Variants in PDIA5 observed in about 807,000 individuals in gnomAD.
The protein encoded by PDIA5 is protein disulfide-isomerase A5.
A neutral mutation model predicts 77.6 loss-of-function variants in PDIA5; 58 were observed. The observed-to-expected ratio is 0.75, with a 90% CI of 0.61 to 0.93. The LOEUF (loss-of-function observed/expected upper bound fraction) is 0.93. PDIA5 is among the 40% of genes least tolerant of loss of function. PDIA5 has a pLI of 0.00. For missense variants in PDIA5, 630 were observed against 647.7 expected, an observed-to-expected ratio of 0.97 and a Z score of 0.30; for synonymous variants, 250 against 252.1, an observed-to-expected ratio of 0.99 and a Z score of 0.08.
intron 8 of PDIA5, among the ~76,000 whole-genome samples, chr3:123,118,773 T>C (rs1305562975): frequency 6.6e-6 from 1 of 152,238 alleles, no homozygotes; most frequent in East Asian, 1.9e-4. Context: ...TATATGCCGA[T>C]GAATGAATAG....
At chr3:123,092,982 T>C (rs1408279242) in intron 3 of PDIA5, among the ~76,000 whole-genome samples, 1 of 152,224 alleles carries the variant, frequency 6.6e-6, no homozygotes, top group African/African-American at 2.4e-5. Flanking sequence ...AAATCTTTAA[T>C]GTAGCTATTA....
intron 1 of PDIA5, among the ~76,000 whole-genome samples, chr3:123,075,073 G>A (rs927839449): frequency 6.6e-6 from 1 of 152,180 alleles, no homozygotes; most frequent in Non-Finnish European, 1.5e-5. Context: ...ACATTAACCT[G>A]TTGGTATCTA....
At chr3:123,095,512 A>G (rs2107925803) in intron 3 of PDIA5, among the ~76,000 whole-genome samples, 1 of 152,116 alleles carries the variant, frequency 6.6e-6, no homozygotes, top group Admixed American at 6.5e-5. Flanking sequence ...CACTTTGGGA[A>G]GCCAAGGCAG....
intron 10 of PDIA5, among the ~76,000 whole-genome samples, chr3:123,125,419 A>C (rs1935224339): frequency 6.6e-6 from 1 of 152,168 alleles, no homozygotes. Flanking sequence ...GGTAAGCAGT[A>C]GCAGGGCCCT....
At chr3:123,156,159 G>C (rs1936017088) in intron 15 of PDIA5, among the ~76,000 whole-genome samples, 1 of 152,214 alleles carries the variant, frequency 6.6e-6, no homozygotes. Flanking sequence ...CAGTGGCAGA[G>C]ATGGGGTAAT....
At chr3:123,128,511 T>C (rs1030055719) in intron 10 of PDIA5, among the ~76,000 whole-genome samples, 3 of 151,864 alleles carry the variant, frequency 2.0e-5, no homozygotes, top group Admixed American at 1.3e-4. Flanking sequence ...TTATTTTTTA[T>C]TTTTTTATTT....
intron 8 of PDIA5, among the ~76,000 whole-genome samples, chr3:123,116,848 T>G (rs1205681228): frequency 1.3e-5 from 2 of 152,084 alleles, no homozygotes; most frequent in Non-Finnish European, 2.9e-5. Context: ...AATGCAGGCA[T>G]TCTCCCAGAA....
intron 1 of PDIA5, among the ~76,000 whole-genome samples, chr3:123,083,374 T>C (rs1934061561): frequency 6.6e-6 from 1 of 152,150 alleles, no homozygotes; most frequent in African/African-American, 2.4e-5. Flanking sequence ...TTCCCGGCAG[T>C]TTTCTGCCCT....
chr3:123,083,776 T>TA (rs542585227), intron 1 of PDIA5, among the ~76,000 whole-genome samples: 153 of 152,336 alleles, frequency 1.0e-3, no homozygotes, highest in South Asian at 2.9e-3. Context: ...AAGTCTGCAG[T>TA]AAGGCTCTTG....
intron 9 of PDIA5, 38 bp from the exon 10 acceptor site, chr3:123,124,234 C>A: frequency 6.3e-7 from 1 of 1,587,244 alleles, no homozygotes. Flanking sequence ...GCATTTGCAT[C>A]CGTGACTGAG....
chr3:123,081,311 T>C (rs768786819), intron 1 of PDIA5, among the ~76,000 whole-genome samples: 40 of 152,322 alleles, frequency 2.6e-4, no homozygotes, highest in Non-Finnish European at 4.9e-4. Flanking sequence ...GAAGGAGAGA[T>C]GACAACTAGT....
At chr3:123,106,413 C>G (rs1934733755) in intron 5 of PDIA5, among the ~76,000 whole-genome samples, 1 of 152,180 alleles carries the variant, frequency 6.6e-6, no homozygotes, top group African/African-American at 2.4e-5. Context: ...ACTAGTATGT[C>G]TCTGGTTTGA....
chr3:123,071,592 C>T (rs1403880997), intron 1 of PDIA5, among the ~76,000 whole-genome samples: 7 of 152,250 alleles, frequency 4.6e-5, no homozygotes, highest in African/African-American at 7.2e-5. Context: ...CACATTACAG[C>T]GGAAGTCTTA....
intron 15 of PDIA5, among the ~76,000 whole-genome samples, chr3:123,160,469 A>T (rs892531766): frequency 6.6e-6 from 1 of 152,136 alleles, no homozygotes; most frequent in African/African-American, 2.4e-5. Flanking sequence ...CAGTTTCCAG[A>T]TGTGCTTCCC....
chr3:123,159,343 C>T (rs1172350348), intron 15 of PDIA5, among the ~76,000 whole-genome samples: 1 of 152,172 alleles, frequency 6.6e-6, no homozygotes, highest in Non-Finnish European at 1.5e-5. Flanking sequence ...GCATCTGCCT[C>T]ATGTTTTTAA....
intron 6 of PDIA5, among the ~76,000 whole-genome samples, chr3:123,109,711 A>T (rs1263666466): frequency 6.6e-6 from 1 of 152,168 alleles, no homozygotes; most frequent in African/African-American, 2.4e-5. Flanking sequence ...AAATCACCTC[A>T]TACCTTTACA....
At chr3:123,097,825 G>C (rs761842852) in intron 3 of PDIA5, among the ~76,000 whole-genome samples, 9 of 152,174 alleles carry the variant, frequency 5.9e-5, no homozygotes, top group Non-Finnish European at 4.4e-5. Flanking sequence ...GTGGGAGGAA[G>C]AGAGTTATCC....
In PDIA5 at chr3:123,124,140, C is replaced by T; in HGVS notation, c.684C>T (p.Pro228=). The T allele has an allele frequency of 6.2e-7, 1 of 1,613,542 alleles. No homozygotes were observed. Among genetic ancestry groups the T allele is most frequent in the East Asian group, 2.2e-5 (1 of 44,888 alleles). The part of the protein sequence containing the change: ...IKEEYSVRGF[P]TICYFEKGRF... The stretch of plus-strand genomic sequence containing the variant: ...AGGAGTACAGCGTGCGCGGCTTCCC[C>T]ACCATCTGCTATTTTGAGTACGTCC... The change falls in exon 9 of 17, where the codon CCC becomes CCT. Residue 228 remains proline (P), a synonymous_variant. Coordinates refer to ENST00000316218, the MANE Select transcript of PDIA5 (RefSeq NM_006810.4).
At chr3:123,104,213 G>A (rs368921200) in intron 5 of PDIA5, among the ~76,000 whole-genome samples, 49 of 152,252 alleles carry the variant, frequency 3.2e-4, no homozygotes, top group East Asian at 3.1e-3. Flanking sequence ...GCTGAGCATC[G>A]TACGGGGCCA....
Sources: allele counts gnomAD v4.1 joint callset (sites outside exome capture counted in the v4.1 genomes callset), GRCh38; gene constraint gnomAD v4.1.1; transcripts MANE v1.5; gene names NCBI Gene and HGNC (gene_info 2026-07-23, HGNC 2026-07-21).